Variants in CTBP2 observed in about 807,000 individuals in gnomAD.
The protein encoded by CTBP2 is C-terminal-binding protein 2.
Under a neutral mutation model 80.3 loss-of-function variants are expected in CTBP2, and 30 were observed. That is an observed-to-expected ratio of 0.37 (90% CI 0.28 to 0.51). The LOEUF (loss-of-function observed/expected upper bound fraction) is 0.51. Among genes scored for constraint, CTBP2 ranks in the 20% least tolerant of loss-of-function variants. The pLI is 0.93. For missense variants in CTBP2, 1,212 were observed against 1,375.3 expected (o/e 0.88, Z 1.88); for synonymous variants, 594 against 587.4 (o/e 1.01, Z -0.16).
chr10:125,052,118 C>T (rs1486664473), intron 2 of CTBP2, among the ~76,000 whole-genome samples: 3 of 152,224 alleles, frequency 2.0e-5, no homozygotes, highest in Admixed American at 6.5e-5. Flanking sequence ...TCGCACCTAT[C>T]GGTGGGGGTC....
At chr10:125,120,074 T>C (rs1590907655) in intron 1 of CTBP2, among the ~76,000 whole-genome samples, 1 of 152,346 alleles carries the variant, frequency 6.6e-6, no homozygotes, top group East Asian at 1.9e-4. Flanking sequence ...TCAATTCCAA[T>C]AGCCAATCAA....
intron 2 of CTBP2, among the ~76,000 whole-genome samples, chr10:125,063,703 T>C (rs892522291): frequency 1.2e-4 from 19 of 152,246 alleles, no homozygotes; most frequent in African/African-American, 3.9e-4. Context: ...GTTATTGCTG[T>C]GTTTTCTCTC....
At chr10:125,067,627 G>T (rs1844846514) in intron 2 of CTBP2, among the ~76,000 whole-genome samples, 1 of 152,190 alleles carries the variant, frequency 6.6e-6, no homozygotes, top group Non-Finnish European at 1.5e-5. Flanking sequence ...CCAGGCAAAG[G>T]ATATAATGTA....
intron 2 of CTBP2, among the ~76,000 whole-genome samples, chr10:125,057,637 G>A (rs572623323): frequency 6.6e-6 from 1 of 152,312 alleles, no homozygotes; most frequent in South Asian, 2.1e-4. Context: ...AATAGCAAAT[G>A]TTTCAATAAA....
chr10:125,006,565 G>C (rs1955268194), intron 1 of CTBP2, among the ~76,000 whole-genome samples: 1 of 152,244 alleles, frequency 6.6e-6, no homozygotes, highest in African/African-American at 2.4e-5. Context: ...GGAGCCTGGG[G>C]CAGAGGTTTC....
intron 1 of CTBP2, among the ~76,000 whole-genome samples, chr10:125,024,875 T>C (rs1286484503): frequency 2.6e-5 from 4 of 152,126 alleles, no homozygotes; most frequent in Non-Finnish European, 5.9e-5. Flanking sequence ...AAAAAATCCA[T>C]GAGACAAAAT....
intron 1 of CTBP2, among the ~76,000 whole-genome samples, chr10:125,140,160 C>T (rs773583378): frequency 3.9e-5 from 6 of 152,044 alleles, no homozygotes; most frequent in Non-Finnish European, 2.9e-5. Context: ...CCATCACACT[C>T]GCTGCATGGC....
chr10:125,094,362 C>A (rs1431210767), intron 2 of CTBP2, among the ~76,000 whole-genome samples: 1 of 152,136 alleles, frequency 6.6e-6, no homozygotes, highest in Admixed American at 6.5e-5. Context: ...AGGCATGTGG[C>A]GACGGCTCAG....
intron 2 of CTBP2, among the ~76,000 whole-genome samples, chr10:125,053,712 G>A (rs1028172354): frequency 1.3e-5 from 2 of 152,218 alleles, no homozygotes; most frequent in Admixed American, 1.3e-4. Context: ...GAAGATGGGA[G>A]GGGAGATCTC....
At chr10:124,991,893 TGG>T (rs11459870) in intron 8 of CTBP2, among the ~76,000 whole-genome samples, 1,094 of 60,504 alleles carry the variant, frequency 0.018, 25 homozygotes, top group African/African-American at 0.063. Context: ...CCAGCAATAA[TGG>T]GGGGGGGGGT....
intron 1 of CTBP2, among the ~76,000 whole-genome samples, chr10:125,159,649 C>T (rs963029721): frequency 2.1e-4 from 32 of 150,204 alleles, no homozygotes; most frequent in African/African-American, 7.5e-4. Flanking sequence ...GCAGGGGCAG[C>T]GCCCCTGGGG....
rs1564738410 is a variant in CTBP2 at position 125,026,357 on chromosome 10, G to A, written c.1403C>T (p.Pro468Leu). ...GGGGCCTGGGTGAAGGGGGTTTGAGGGGCCCGGGTTAGTCAAGGCCACCCC... is the reference window on the plus strand; with the variant it reads ...GGGGCCTGGGTGAAGGGGGTTTGAGAGGCCCGGGTTAGTCAAGGCCACCCC... The change falls in exon 1 of 9, where the codon CCC becomes CTC. Residue 468 changes from proline (P) to leucine (L), a missense_variant. By Grantham distance (98) the Pro-to-Leu change is moderately conservative. Transcript: ENST00000309035. The A allele has an allele frequency of 1.2e-6, 2 of 1,613,816 alleles. No homozygotes were observed. Among genetic ancestry groups the A allele is most frequent in the African/African-American group, 1.3e-5 (1 of 75,036 alleles).
At chr10:125,144,727 C>G (rs755523931) in intron 1 of CTBP2, among the ~76,000 whole-genome samples, 1 of 152,094 alleles carries the variant, frequency 6.6e-6, no homozygotes, top group Non-Finnish European at 1.5e-5. Flanking sequence ...CTTGCTCACA[C>G]GGGCCAATGT....
rs974947178 is a variant in CTBP2 at position 125,094,330 on chromosome 10, G to A, written c.-102+16660C>T. Among the ~76,000 whole-genome samples, 9 of 152,334 alleles carry A rather than the reference G, an allele frequency of 5.9e-5. 2 individuals carry two copies. Among genetic ancestry groups the A allele is most frequent in the Admixed American group, 5.9e-4 (9 of 15,312 alleles). On this transcript the variant is annotated intron_variant, in intron 2 of 10. Coordinates refer to the CTBP2 transcript ENST00000337195. ...AATGCACTGTCATGAACACCCATGT[G>A]AGCATCATGGAGCCAAGCACCAGGC...
At chr10:125,031,479 A>T (rs1378782973), upstream of CTBP2, among the ~76,000 whole-genome samples, 1 of 91,364 alleles carries the variant, frequency 1.1e-5, no homozygotes, top group African/African-American at 4.4e-5. Flanking sequence ...ACAGAGCAAG[A>T]CTCCATTTCA....
intron 1 of CTBP2, among the ~76,000 whole-genome samples, chr10:125,024,860 C>T (rs1957387027): frequency 6.6e-6 from 1 of 152,186 alleles, no homozygotes; most frequent in Admixed American, 6.5e-5. Flanking sequence ...TGTGATCAGA[C>T]TTCAAAAAAA....
At chr10:125,112,145 C>T (rs1251012953) in intron 1 of CTBP2, among the ~76,000 whole-genome samples, 3 of 145,884 alleles carry the variant, frequency 2.1e-5, no homozygotes, top group African/African-American at 7.7e-5. Context: ...AAGAGTCTCA[C>T]TCTGTCACCC....
At chr10:124,999,006 G>C (rs1208837618) in intron 3 of CTBP2, 3 of 152,398 alleles carry the variant, frequency 2.0e-5, no homozygotes, top group Non-Finnish European at 4.4e-5. Context: ...GGTGTCTGGG[G>C]AAGAATGAAT....
At chr10:125,017,243 G>A (rs1165996590) in intron 1 of CTBP2, among the ~76,000 whole-genome samples, 11 of 152,224 alleles carry the variant, frequency 7.2e-5, no homozygotes, top group Admixed American at 7.2e-4. Flanking sequence ...GGAAGGTGCA[G>A]GCTGAGGAGC....
Sources: gnomAD v4.1 joint callset for allele counts (sites outside exome capture counted in the v4.1 genomes callset) on GRCh38, gnomAD v4.1.1 for gene constraint, MANE v1.5 for transcripts, NCBI Gene and HGNC (gene_info 2026-07-23, HGNC 2026-07-21) for gene names.